Variants in LENG8 observed in about 807,000 individuals in gnomAD.
The protein encoded by LENG8 is leukocyte receptor cluster member 8.
Under a neutral mutation model 102.1 loss-of-function variants are expected in LENG8, and 28 were observed. The observed-to-expected ratio is 0.27, with a 90% CI of 0.20 to 0.38. The LOEUF (loss-of-function observed/expected upper bound fraction) is 0.38. Among genes scored for constraint, LENG8 ranks in the 10% least tolerant of loss-of-function variants. The pLI, the probability that LENG8 is intolerant of heterozygous loss-of-function variation, is 1.00. For missense variants in LENG8, 1,022 were observed against 1,113.9 expected (o/e 0.92, Z 1.17); for synonymous variants, 531 against 456.7 (o/e 1.16, Z -2.07).
intron 4 of LENG8, among the ~76,000 whole-genome samples, chr19:54,453,133 ATTG>A (rs1424403039): frequency 1.4e-5 from 2 of 143,670 alleles, no homozygotes; most frequent in South Asian, 5.0e-4. Flanking sequence ...TGACACACTG[ATTG>A]AAAGTAGCAT....
intron 8 of LENG8, 66 bp from the exon 9 acceptor site, chr19:54,455,901 G>A: frequency 6.6e-7 from 1 of 1,521,926 alleles, no homozygotes; most frequent in Non-Finnish European, 8.9e-7. Context: ...CCTTGAGGGA[G>A]GTGGTGGCGG....
rs149500984 is a variant in LENG8, at chr19:54,458,494, A to G, written c.2213A>G (p.Lys738Arg). The G allele has an allele frequency of 4.6e-5, 75 of 1,614,136 alleles. No homozygotes were observed. In the African/African-American group the frequency reaches 9.2e-4, roughly 20 times the overall value. Residue 738 changes from lysine (K) to arginine (R), a missense_variant, in exon 15 of 16, where the codon AAG (lysine) becomes AGG (arginine). Physicochemically the swap from Lys to Arg is conservative, Grantham distance 26. This residue lies in a region of LENG8 where 129 missense variants were observed against 123.0 expected (regional missense o/e 1.05). Coordinates refer to ENST00000326764, the MANE Select transcript of LENG8 (RefSeq NM_052925.4). The stretch of plus-strand genomic sequence containing the variant: ...GACAAGTTTGCAGATCGGGAGCGCA[A>G]GGTCGCCCTCAAGGCCATGATCAAA... ...LVDKFADRERKVALKAMIKTF... is the reference protein window; with the variant it reads ...LVDKFADRERRVALKAMIKTF...
intron 15 of LENG8, 48 bp from the exon 16 acceptor site, chr19:54,460,718 T>TGGG: frequency 1.1e-4 from 115 of 1,047,700 alleles, no homozygotes; most frequent in Non-Finnish European, 1.3e-4. Context: ...GGCCCTCCCC[T>TGGG]GCCCTCCCGC....
rs2123203898 is a variant in LENG8, at chr19:54,459,709, C to CT, written c.2241-1056dup. 9 of 1,027,842 alleles carry CT rather than the reference C, an allele frequency of 8.8e-6. No individual in the cohort carries two copies. In the South Asian group the frequency reaches 2.7e-4, roughly 31 times the overall value. 63.7% of individuals were successfully genotyped at this position (1,027,842 alleles called of 1,614,324 possible). ...GACTGTCAGCCTGGAGGTTTGGAGA[C>CT]TCATTCTGGAATCTAGTGTGGGTCA... On this transcript the variant is annotated intron_variant, in intron 15 of 15. Transcript: ENST00000326764.
At chr19:54,459,031 C>T in intron 15 of LENG8, 6 of 1,434,676 alleles carry the variant, frequency 4.2e-6, no homozygotes, top group Non-Finnish European at 5.5e-6. Context: ...TGCCAGAGGC[C>T]CCTGGTCAGG....
rs1211082455 is a variant in LENG8, at chr19:54,450,050, CG to C, written c.-56+743del. On this transcript the variant is annotated intron_variant, in intron 1 of 15. Coordinates refer to ENST00000326764, the MANE Select transcript of LENG8 (RefSeq NM_052925.4). ...ATCCTACTTATCAGTTACTCCCTCT[CG>C]GGAGTTTAGGCTCCTGAATCCTTGC... Among the ~76,000 whole-genome samples the C allele has an allele frequency of 2.0e-4, 31 of 152,210 alleles. 2 individuals carry two copies. Among genetic ancestry groups the C allele is most frequent in the Non-Finnish European group, 1.5e-5 (1 of 68,040 alleles).
intron 1 of LENG8, among the ~76,000 whole-genome samples, chr19:54,450,363 C>G (rs1443535079): frequency 6.6e-6 from 1 of 152,184 alleles, no homozygotes; most frequent in Admixed American, 6.5e-5. Flanking sequence ...TTGGGGTTCA[C>G]GTTGGCATTC....
chr19:54,452,261 T>C lies in LENG8; in HGVS notation c.207T>C (p.Ser69=). 1.2e-6 allele frequency: 2 copies of C among 1,609,716 alleles called. No homozygotes were observed. Among genetic ancestry groups the C allele is most frequent in the Non-Finnish European group, 1.7e-6 (2 of 1,177,110 alleles). Residue 69 remains serine, a synonymous_variant, in exon 3 of 16, where the codon AGT becomes AGC. Transcript: ENST00000326764. The part of the protein sequence containing the change: ...AKSSSNGPVA[S]AQYVSQAEAS... ...CCAGCAGCAATGGGCCTGTGGCCAGTGCACAGGTGAGAAGGCCTCATGGGG... is the reference window on the plus strand; with the variant it reads ...CCAGCAGCAATGGGCCTGTGGCCAGCGCACAGGTGAGAAGGCCTCATGGGG...
At chr19:54,455,874 T>C in intron 8 of LENG8, 93 bp from the exon 9 acceptor site, 1 of 1,381,790 alleles carries the variant, frequency 7.2e-7, no homozygotes. Context: ...GCCTTTCCTT[T>C]CGGAGGCGGG....
Position 54,461,591 on chromosome 19 carries a change from C to G in LENG8, c.*663C>G, listed in dbSNP as rs890133568. On this transcript the variant is annotated 3_prime_UTR_variant, in exon 16 of 16. Transcript: ENST00000326764. The stretch of plus-strand genomic sequence containing the variant: ...TTGTATAAAGTTGTCTCCGTGTCCC[C>G]TCCTCCCTCTGCCCCCAGTGTTTCT... 2 of 473,090 alleles carry G rather than the reference C, an allele frequency of 4.2e-6. No individual in the cohort carries two copies. The highest frequency in any genetic ancestry group is 1.4e-4 in the East Asian group (2 of 14,448). The allele number at this position is 473,090 out of a possible 1,614,324, so 29.3% of individuals were successfully genotyped here.
rs774204961 is a variant in LENG8, at chr19:54,455,476, C to T, written c.934C>T (p.Arg312Cys). 19 of 1,613,964 alleles carry T rather than the reference C, an allele frequency of 1.2e-5. No individual in the cohort carries two copies. Among genetic ancestry groups the T allele is most frequent in the South Asian group, 2.2e-5 (2 of 91,084 alleles). Residue 312 changes from arginine to cysteine, a missense_variant, in exon 8 of 16, where the codon CGC becomes TGC. Physicochemically the swap from Arg to Cys is radical, Grantham distance 180. Coordinates refer to ENST00000326764, the MANE Select transcript of LENG8 (RefSeq NM_052925.4). ...CTGTGAGTCGGAGGAGGACAAGGAC[C>T]GCACGGAAAAGCTGCTCAAGGAGGT... ...TACESEEDKD[R>C]TEKLLKEVLQ...
At position 54,455,988 on chromosome 19, in the gene LENG8, T is replaced by C. The variant is rs746460519; in HGVS notation, c.1047T>C (p.Ala349=). 4.0e-5 allele frequency: 65 copies of C among 1,612,658 alleles called. No individual in the cohort carries two copies. Among genetic ancestry groups the C allele is most frequent in the Non-Finnish European group, 5.1e-5 (60 of 1,179,750 alleles). ...PLPGLTREPV[A]ESPKKKRWEA... ...TCAGGCTGACCCGGGAGCCTGTGGC[T>C]GAGAGCCCTAAGAAGAAGCGGTGGG... The change falls in exon 9 of 16, where the codon GCT becomes GCC. Residue 349 remains alanine (A), a synonymous_variant. Transcript: ENST00000326764.
At chr19:54,450,514 C>G (rs985483811) in intron 1 of LENG8, among the ~76,000 whole-genome samples, 7 of 152,018 alleles carry the variant, frequency 4.6e-5, no homozygotes, top group African/African-American at 1.7e-4. Flanking sequence ...ACAGAGTTCT[C>G]GGAAACCTTT....
chr19:54,456,759 C>T lies in LENG8; in HGVS notation c.1569C>T (p.Arg523=), dbSNP rs1286086023. 2 of 1,611,594 alleles carry T rather than the reference C, an allele frequency of 1.2e-6. No individual in the cohort carries two copies. The highest frequency in any genetic ancestry group is 2.7e-5 in the African/African-American group (2 of 75,042). Residue 523 remains arginine (R), a synonymous_variant, in exon 11 of 16, where the codon CGC becomes CGT. Transcript: ENST00000326764. ...GCTTCCAGCACGGACACTCCCGCCG[C>T]CTGCGCCTCGAGCCCCTGGTGCTGC... ...AARFQHGHSR[R]LRLEPLVLQM...
Position 54,456,856 on chromosome 19 carries a change from G to C in LENG8, c.1666G>C (p.Asp556His). 1 of 1,611,100 alleles carries C rather than the reference G, an allele frequency of 6.2e-7. No individual in the cohort carries two copies. Among genetic ancestry groups the C allele is most frequent in the Non-Finnish European group, 8.5e-7 (1 of 1,179,858 alleles). ...QELQIVGTCP[D>H]ITKHYLRLTC... ...GCTGCAGATCGTGGGCACCTGCCCT[G>C]ACATCACCAAGCACTACCTGCGCCT... The change falls in exon 11 of 16, where the codon GAC becomes CAC. Residue 556 changes from aspartate to histidine, a missense_variant. This residue lies in a region of LENG8 where 158 missense variants were observed against 229.0 expected (regional missense o/e 0.69). Coordinates refer to ENST00000326764, the MANE Select transcript of LENG8 (RefSeq NM_052925.4).
chr19:54,459,278 A>G, intron 15 of LENG8: 1 of 1,022,914 alleles, frequency 9.8e-7, no homozygotes, highest in Non-Finnish European at 1.2e-6. Context: ...CTCAGAGCTC[A>G]GTCTTGCCAA....
chr19:54,452,900 A>G, intron 4 of LENG8, 148 bp downstream of exon 4: 1 of 644,306 alleles, frequency 1.6e-6, no homozygotes, highest in East Asian at 2.7e-5. Context: ...TAACTTGCCC[A>G]GGAGGTAAAT....
chr19:54,452,912 C>T (rs115170628), intron 4 of LENG8, among the ~76,000 whole-genome samples, 160 bp downstream of exon 4: 1,597 of 152,228 alleles, frequency 0.01, 28 homozygotes, highest in African/African-American at 0.036. Flanking sequence ...GAGGTAAATT[C>T]CTAGGTCCCC....
rs747113825 is a variant in LENG8 at position 54,456,228 on chromosome 19, G to A, written c.1287G>A (p.Thr429=). The part of the protein sequence containing the change: ...SRSRSSSRSP[T]RHFRRSDSHS... ...CCCGCTCCTCCTCCAGGTCCCCGAC[G>A]CGCCACTTCCGCAGAAGGTACTGAG... The change falls in exon 9 of 16, where the codon ACG becomes ACA. Residue 429 remains threonine (T), a synonymous_variant. Coordinates refer to ENST00000326764, the MANE Select transcript of LENG8 (RefSeq NM_052925.4). The A allele has an allele frequency of 1.1e-5, 17 of 1,613,188 alleles. No individual in the cohort carries two copies. The East Asian group carries it at 2.0e-4, about 19-fold the overall frequency.
Sources: gnomAD v4.1 joint callset for allele counts (sites outside exome capture counted in the v4.1 genomes callset) on GRCh38, gnomAD v4.1.1 for gene constraint, gnomAD v4.1.1 regional missense constraint, MANE v1.5 for transcripts, NCBI Gene and HGNC (gene_info 2026-07-23, HGNC 2026-07-21) for gene names.